KRT75: variants seen among roughly 807,000 people sequenced by gnomAD.
KRT75 encodes keratin 75, also known as keratin, type II cytoskeletal 75.
A neutral mutation model predicts 48.8 loss-of-function variants in KRT75; 35 were observed. The observed-to-expected ratio is 0.72, with a 90% CI of 0.55 to 0.95. KRT75 has a LOEUF of 0.95. Among genes scored for constraint, KRT75 ranks in the 40% least tolerant of loss-of-function variants. The pLI, the probability that KRT75 is intolerant of heterozygous loss-of-function variation, is 0.00. For missense variants in KRT75, 776 were observed against 709.9 expected (o/e 1.09, Z -1.06); for synonymous variants, 301 against 282.3 (o/e 1.07, Z -0.66).
intron 4 of KRT75, among the ~76,000 whole-genome samples, 199 bp from the exon 5 acceptor site, chr12:52,430,904 A>G (rs1369210268): frequency 1.3e-5 from 2 of 152,142 alleles, no homozygotes; most frequent in Non-Finnish European, 2.9e-5. Context: ...CAAGGCTCCC[A>G]TCTGTGTGCT....
intron 5 of KRT75, 148 bp downstream of exon 5, chr12:52,430,393 A>T (rs1940127793): frequency 7.0e-6 from 6 of 857,254 alleles, no homozygotes; most frequent in Non-Finnish European, 9.6e-6. Context: ...CATGCATTTC[A>T]AGCTAAGTTG....
At chr12:52,433,785 G>A in intron 1 of KRT75, 22 bp downstream of exon 1, 1 of 1,614,010 alleles carries the variant, frequency 6.2e-7, no homozygotes, top group Non-Finnish European at 8.5e-7. Flanking sequence ...AACCCAAGGG[G>A]GTGGATGAAG....
chr12:52,431,482 A>C (rs932567843), intron 4 of KRT75, 61 bp downstream of exon 4: 4 of 1,198,896 alleles, frequency 3.3e-6, no homozygotes, highest in Non-Finnish European at 5.0e-6. Context: ...GGCACAATGC[A>C]TCATCCTTTT....
intron 8 of KRT75, 26 bp from the exon 9 acceptor site, chr12:52,424,781 C>A: frequency 1.3e-6 from 2 of 1,560,262 alleles, no homozygotes; most frequent in South Asian, 2.2e-5. Context: ...GAGGTGTGGT[C>A]AGATCAAGTG....
At chr12:52,429,156 G>C (rs2121512661) in intron 5 of KRT75, among the ~76,000 whole-genome samples, 1 of 152,236 alleles carries the variant, frequency 6.6e-6, no homozygotes, top group African/African-American at 2.4e-5. Context: ...GAAGACTCTG[G>C]GTCAGGGAAG....
rs913335540 is a variant in KRT75, at chr12:52,432,049, T to A, written c.731A>T (p.Asn244Ile). The change falls in exon 3 of 9, where the codon AAC (asparagine) becomes ATC (isoleucine). Residue 244 changes from asparagine (N) to isoleucine (I), a missense_variant. Asn to Ile is a moderately radical substitution (Grantham distance 149). Coordinates refer to ENST00000252245, the MANE Select transcript of KRT75 (RefSeq NM_004693.3). ...TTCATTCTCAGCAGCTGTGCGCTTG[T>A]TAATTTCATCTTCGTACCTATAAGG... ...DFKVRYEDEI[N>I]KRTAAENEFV... 6.2e-7 allele frequency: 1 copy of A among 1,614,186 alleles called. No individual in the cohort carries two copies. Among genetic ancestry groups the A allele is most frequent in the East Asian group, 2.2e-5 (1 of 44,884 alleles).
chr12:52,425,817 C>T (rs766654152), intron 8 of KRT75, among the ~76,000 whole-genome samples: 23 of 152,280 alleles, frequency 1.5e-4, no homozygotes, highest in African/African-American at 3.9e-4. Context: ...TTTCAGCCTC[C>T]GGAACTGTGA....
rs1224624500 is a variant in KRT75, at chr12:52,433,109, G to A, written c.642C>T (p.Ile214=). The change falls in exon 2 of 9, where the codon ATC becomes ATT. Residue 214 remains isoleucine, a synonymous_variant. Coordinates refer to ENST00000252245, the MANE Select transcript of KRT75 (RefSeq NM_004693.3). ...TSELRRQLES[I]TTERGRLEAE... ...CTTCAAGCCTGCCCCTCTCGGTGGTGATGCTTTCCAGCTGCCGTCGGAGCT... is the reference window on the plus strand; with the variant it reads ...CTTCAAGCCTGCCCCTCTCGGTGGTAATGCTTTCCAGCTGCCGTCGGAGCT... 1 of 1,602,648 alleles carries A rather than the reference G, an allele frequency of 6.2e-7. No individual in the cohort carries two copies. Among genetic ancestry groups the A allele is most frequent in the African/African-American group, 1.4e-5 (1 of 71,314 alleles).
At chr12:52,432,193 G>T in intron 2 of KRT75, 127 bp from the exon 3 acceptor site, 1 of 843,114 alleles carries the variant, frequency 1.2e-6, no homozygotes, top group Non-Finnish European at 2.0e-6. Context: ...GCATGACTTT[G>T]GGTGATTCAT....
At chr12:52,426,701 G>T in intron 8 of KRT75, 116 bp downstream of exon 8, 1 of 1,053,360 alleles carries the variant, frequency 9.5e-7, no homozygotes, top group Non-Finnish European at 1.5e-6. Flanking sequence ...CCAAATGAAC[G>T]CTGTCTGTGA....
chr12:52,430,117 A>T (rs1479386229), intron 5 of KRT75, among the ~76,000 whole-genome samples: 2 of 152,102 alleles, frequency 1.3e-5, no homozygotes, highest in African/African-American at 4.8e-5. Flanking sequence ...ATGATTGTCC[A>T]TTCACTTCAT....
chr12:52,430,646 G>T lies in KRT75; in HGVS notation c.930C>A (p.Asn310Lys). 1 of 1,614,178 alleles carries T rather than the reference G, an allele frequency of 6.2e-7. No homozygotes were observed. Among genetic ancestry groups the T allele is most frequent in the Non-Finnish European group, 8.5e-7 (1 of 1,180,026 alleles). Residue 310 changes from asparagine (N) to lysine (K), a missense_variant, in exon 5 of 9, where the codon AAC (asparagine) becomes AAA (lysine). Coordinates refer to ENST00000252245, the MANE Select transcript of KRT75 (RefSeq NM_004693.3). ...GDTSVVLSMD[N>K]NRNLDLDSII... ...TACTATCCAGGTCCAGGTTGCGGTTGTTGTCCATGGACAGCACCACGGATG... is the reference window on the plus strand; with the variant it reads ...TACTATCCAGGTCCAGGTTGCGGTTTTTGTCCATGGACAGCACCACGGATG...
chr12:52,433,786 G>A (rs781199049), intron 1 of KRT75, 21 bp downstream of exon 1: 3 of 1,614,036 alleles, frequency 1.9e-6, no homozygotes, highest in Non-Finnish European at 1.7e-6. Context: ...ACCCAAGGGG[G>A]TGGATGAAGC....
At position 52,430,579 on chromosome 12, in the gene KRT75, G is replaced by T. The variant is rs2232396; in HGVS notation, c.997C>A (p.Arg333Ser). ...CAGGACTCAGCCTCGGCCCGGCTGC[G>T]GTTGGCAATGTCCTCGTATTGTGCT... ...VKAQYEDIAN[R>S]SRAEAESWYQ... The change falls in exon 5 of 9, where the codon CGC (arginine) becomes AGC (serine). Residue 333 changes from arginine to serine, a missense_variant. Physicochemically the swap from Arg to Ser is moderately radical, Grantham distance 110. Coordinates refer to ENST00000252245, the MANE Select transcript of KRT75 (RefSeq NM_004693.3). 6.2e-7 allele frequency: 1 copy of T among 1,614,114 alleles called. No individual in the cohort carries two copies. Among genetic ancestry groups the T allele is most frequent in the Admixed American group, 1.7e-5 (1 of 60,016 alleles).
Position 52,434,040 on chromosome 12 carries a change from T to A in KRT75, c.265A>T (p.Ser89Cys). The change falls in exon 1 of 9, where the codon AGC (serine) becomes TGC (cysteine). Residue 89 changes from serine (S) to cysteine (C), a missense_variant. Physicochemically the swap from Ser to Cys is moderately radical, Grantham distance 112. Coordinates refer to ENST00000252245, the MANE Select transcript of KRT75 (RefSeq NM_004693.3). ...SCRSGFGGRA[S>C]NRFGVNSGFG... ...CCACTGTTGACTCCAAACCTGTTGC[T>A]GGCCCTGCCACCAAAGCCACTTCGG... The A allele has an allele frequency of 6.2e-7, 1 of 1,614,140 alleles. No homozygotes were observed. The highest frequency in any genetic ancestry group is 8.5e-7 in the Non-Finnish European group (1 of 1,180,022).
intron 1 of KRT75, among the ~76,000 whole-genome samples, 197 bp from the exon 2 acceptor site, chr12:52,433,449 G>C (rs181221736): frequency 1.6e-4 from 24 of 147,514 alleles, no homozygotes; most frequent in Admixed American, 6.6e-4. Flanking sequence ...ATAGGATTCG[G>C]GTGGTGGGGC....
At position 52,432,127 on chromosome 12, in the gene KRT75, T is replaced by G. The variant is rs546150363; in HGVS notation, c.714-61A>C. ...AGTCTGCATTGAACTCTTTCCAGGCTGGTGTAGCAAGAGTTAAGAGCCCTC... is the reference window on the plus strand; with the variant it reads ...AGTCTGCATTGAACTCTTTCCAGGCGGGTGTAGCAAGAGTTAAGAGCCCTC... On this transcript the variant is annotated intron_variant, in intron 2 of 8. Transcript: ENST00000252245. The G allele has an allele frequency of 1.3e-6, 2 of 1,558,956 alleles. 1 individual carries two copies. Among genetic ancestry groups the G allele is most frequent in the African/African-American group, 2.7e-5 (2 of 73,956 alleles).
intron 8 of KRT75, among the ~76,000 whole-genome samples, chr12:52,425,208 T>A (rs544216238): frequency 6.6e-6 from 1 of 152,202 alleles, no homozygotes; most frequent in Non-Finnish European, 1.5e-5. Flanking sequence ...ATGGATCAAG[T>A]GACAGATTAA....
intron 7 of KRT75, among the ~76,000 whole-genome samples, chr12:52,427,821 CA>C (rs1240078286): frequency 2.6e-5 from 4 of 152,152 alleles, no homozygotes; most frequent in Admixed American, 2.6e-4. Flanking sequence ...CTTTGCGGAT[CA>C]TGTAATCTGA....
Sources: allele counts gnomAD v4.1 joint callset (sites outside exome capture counted in the v4.1 genomes callset), GRCh38; gene constraint gnomAD v4.1.1; transcripts MANE v1.5; gene names NCBI Gene and HGNC (gene_info 2026-07-23, HGNC 2026-07-21).